DRC7: variants seen among roughly 807,000 people sequenced by gnomAD.
DRC7 encodes dynein regulatory complex subunit 7.
In DRC7, 80 loss-of-function variants were observed where a neutral mutation model predicts 104.4. That is an observed-to-expected ratio of 0.77 (90% CI 0.64 to 0.92). DRC7 has a LOEUF of 0.92. Among genes scored for constraint, DRC7 ranks in the 40% least tolerant of loss-of-function variants. The probability of loss-of-function intolerance (pLI) is 0.00; values close to 1 mark genes in which losing one functional copy is unlikely to be tolerated. For missense variants in DRC7, 1,034 were observed against 1,141.1 expected, an observed-to-expected ratio of 0.91 and a Z score of 1.35; for synonymous variants, 405 against 447.3, an observed-to-expected ratio of 0.91 and a Z score of 1.19.
intron 9 of DRC7, among the ~76,000 whole-genome samples, chr16:57,720,803 G>T (rs1456237277): frequency 6.6e-6 from 1 of 152,232 alleles, no homozygotes. Flanking sequence ...AAGGTTTTAA[G>T]TCGAGAAAGT....
rs78478181 is a variant in DRC7 at position 57,718,446 on chromosome 16, A to C, written c.1177A>C (p.Ile393Leu). ...LSLTEEDDSG[I>L]NDEDDVENLG... ...CTTGACTGAAGAAGACGACAGTGGGATAAACGATGAGGATGATGTGGAAAA... is the reference window on the plus strand; with the variant it reads ...CTTGACTGAAGAAGACGACAGTGGGCTAAACGATGAGGATGATGTGGAAAA... Residue 393 changes from isoleucine to leucine, a missense_variant, in exon 9 of 19, where the codon ATA becomes CTA. Transcript: ENST00000360716. The C allele has an allele frequency of 8.7e-6, 14 of 1,613,984 alleles. No individual in the cohort carries two copies. Among genetic ancestry groups the C allele is most frequent in the Non-Finnish European group, 1.2e-5 (14 of 1,179,984 alleles).
In DRC7 at chr16:57,723,097, T is replaced by G. The variant is rs1452126726; in HGVS notation, c.1504T>G (p.Tyr502Asp). 1.2e-6 allele frequency: 2 copies of G among 1,613,676 alleles called. No homozygotes were observed. Among genetic ancestry groups the G allele is most frequent in the Admixed American group, 1.7e-5 (1 of 59,994 alleles). Residue 502 changes from tyrosine (Y) to aspartate (D), a missense_variant, in exon 12 of 19, where the codon TAC becomes GAC. Tyr to Asp is a radical substitution (Grantham distance 160, BLOSUM62 -3). Transcript: ENST00000360716. ...CAAGACCACAGACCTGAAGACAGAC[T>G]ACTTCAAGCCTGGCCACCCCCAGGC... ...INKTTDLKTD[Y>D]FKPGHPQALR...
intron 8 of DRC7, among the ~76,000 whole-genome samples, 154 bp from the exon 9 acceptor site, chr16:57,718,193 C>T (rs2048864231): frequency 6.6e-6 from 1 of 152,216 alleles, no homozygotes; most frequent in African/African-American, 2.4e-5. Context: ...GGCATGGACT[C>T]TCAGAGCCAC....
At chr16:57,716,756 AAC>A (rs1381476635) in intron 8 of DRC7, among the ~76,000 whole-genome samples, 7 of 152,208 alleles carry the variant, frequency 4.6e-5, no homozygotes, top group Non-Finnish European at 1.5e-5. Flanking sequence ...GCTTAATATT[AAC>A]ACCCCTCCAG....
At chr16:57,730,065 G>T (rs1280843199) in intron 17 of DRC7, among the ~76,000 whole-genome samples, 3 of 125,314 alleles carry the variant, frequency 2.4e-5, no homozygotes, top group African/African-American at 9.2e-5. Context: ...TGGATGGATG[G>T]ATGATGGATG....
rs763729967 is a variant in DRC7 at position 57,731,269 on chromosome 16, G to A, written c.*11G>A. The A allele has an allele frequency of 2.5e-6, 4 of 1,607,728 alleles. No individual in the cohort carries two copies. In the South Asian group the frequency reaches 4.4e-5, roughly 18 times the overall value. On this transcript the variant is annotated 3_prime_UTR_variant, in exon 19 of 19. Coordinates refer to ENST00000360716, the MANE Select transcript of DRC7 (RefSeq NM_001289162.2). Reference sequence around the variant, plus strand: ...AAAATATTCGCTTGATGTCCCTCCTGGGGCCTCAGCCAGAGCTGCCAGAGA... The same window carrying A: ...AAAATATTCGCTTGATGTCCCTCCTAGGGCCTCAGCCAGAGCTGCCAGAGA...
intron 2 of DRC7, among the ~76,000 whole-genome samples, chr16:57,696,836 T>G (rs1007177636): frequency 4.6e-5 from 7 of 152,372 alleles, no homozygotes; most frequent in African/African-American, 1.4e-4. Flanking sequence ...TGAGATATCA[T>G]TCACCTGCCA....
chr16:57,719,728 G>A (rs946844991), intron 9 of DRC7, among the ~76,000 whole-genome samples: 1 of 152,144 alleles, frequency 6.6e-6, no homozygotes, highest in Non-Finnish European at 1.5e-5. Flanking sequence ...GGCTGGTCTC[G>A]AACTCCTGGG....
intron 8 of DRC7, chr16:57,714,457 T>TA (rs770860877): frequency 9.0e-4 from 141 of 156,034 alleles, no homozygotes; most frequent in Non-Finnish European, 1.7e-3. Context: ...CTCGTCTCTA[T>TA]AAAAAAAAAT....
chr16:57,721,086 C>T (rs1490784547), intron 9 of DRC7, among the ~76,000 whole-genome samples: 1 of 152,092 alleles, frequency 6.6e-6, no homozygotes, highest in Non-Finnish European at 1.5e-5. Context: ...GTGGTAGGTG[C>T]ATGCCTGTAA....
chr16:57,728,179 A>G (rs1322309331), intron 16 of DRC7, among the ~76,000 whole-genome samples: 2 of 152,190 alleles, frequency 1.3e-5, no homozygotes, highest in Non-Finnish European at 2.9e-5. Flanking sequence ...GTGAGATACA[A>G]ATTCATGTAA....
chr16:57,726,517 T>C (rs2048967904), intron 14 of DRC7: 4 of 575,616 alleles, frequency 6.9e-6, no homozygotes, highest in South Asian at 2.1e-5. Flanking sequence ...AAGACGACTC[T>C]GCAGTCCTGG....
At chr16:57,700,364 A>G in intron 5 of DRC7, 94 bp downstream of exon 5, 2 of 1,482,212 alleles carry the variant, frequency 1.3e-6, no homozygotes, top group East Asian at 2.3e-5. Flanking sequence ...GAATGGACTT[A>G]GAGGCCGGGC....
At chr16:57,704,376 TACAC>T (rs55873452) in intron 6 of DRC7, among the ~76,000 whole-genome samples, 3,784 of 149,062 alleles carry the variant, frequency 0.025, 81 homozygotes, top group Middle Eastern at 0.074. Flanking sequence ...CACGCAAGCG[TACAC>T]ACACACACAC....
At chr16:57,720,217 A>G (rs1489872199) in intron 9 of DRC7, among the ~76,000 whole-genome samples, 1 of 152,248 alleles carries the variant, frequency 6.6e-6, no homozygotes, top group Non-Finnish European at 1.5e-5. Context: ...TCACTTACCC[A>G]AAGCGATACA....
intron 8 of DRC7, chr16:57,715,009 T>G: frequency 7.3e-6 from 2 of 272,352 alleles, no homozygotes; most frequent in South Asian, 8.4e-5. Context: ...CACCAAATTA[T>G]GGGAGACAAT....
intron 4 of DRC7, among the ~76,000 whole-genome samples, chr16:57,699,391 G>A (rs1445335741): frequency 4.6e-5 from 7 of 152,168 alleles, no homozygotes; most frequent in Non-Finnish European, 1.0e-4. Flanking sequence ...ATTGCCACGT[G>A]GGCCAAATAA....
intron 8 of DRC7, among the ~76,000 whole-genome samples, chr16:57,708,886 T>A (rs866180529): frequency 9.2e-5 from 14 of 152,174 alleles, no homozygotes; most frequent in Admixed American, 6.5e-4. Flanking sequence ...CCCAGCACTT[T>A]GGGAGGCTGA....
At position 57,724,736 on chromosome 16, in the gene DRC7, A is replaced by G. The variant is rs1468121809; in HGVS notation, c.1659A>G (p.Gln553=). The G allele has an allele frequency of 1.2e-6, 2 of 1,613,830 alleles. No individual in the cohort carries two copies. The highest frequency in any genetic ancestry group is 2.7e-5 in the African/African-American group (2 of 74,924). ...ETPRTMTEYY[Q]GRPDFLSYRH... is the part of the protein sequence containing the mutation. Reference sequence around the variant, plus strand: ...CCAGGACAATGACAGAGTACTATCAAGGACGCCCAGACTTCCTCTCCTACC... The same window carrying G: ...CCAGGACAATGACAGAGTACTATCAGGGACGCCCAGACTTCCTCTCCTACC... The change falls in exon 13 of 19, where the codon CAA becomes CAG. Residue 553 remains glutamine (Q), a synonymous_variant. Coordinates refer to ENST00000360716, the MANE Select transcript of DRC7 (RefSeq NM_001289162.2).
Sources: gnomAD v4.1 joint callset for allele counts (sites outside exome capture counted in the v4.1 genomes callset) on GRCh38, gnomAD v4.1.1 for gene constraint, MANE v1.5 for transcripts, NCBI Gene and HGNC (gene_info 2026-07-23, HGNC 2026-07-21) for gene names.